NBEA: variants seen among roughly 807,000 people sequenced by gnomAD.
The protein encoded by NBEA is lysosomal-trafficking regulator 2.
Under a neutral mutation model 343.4 loss-of-function variants are expected in NBEA, and 44 were observed. The ratio of observed to expected loss-of-function variants is 0.13; its 90% CI spans 0.10 to 0.16. NBEA has a LOEUF of 0.16. NBEA is among the 10% of genes least tolerant of loss of function. NBEA has a pLI of 1.00. For missense variants in NBEA, 2,555 were observed against 3,631.3 expected, an observed-to-expected ratio of 0.70 and a Z score of 7.62; for synonymous variants, 1,175 against 1,238.7, an observed-to-expected ratio of 0.95 and a Z score of 1.08.
chr13:35,247,754 T>C (rs1865817657), intron 34 of NBEA, among the ~76,000 whole-genome samples: 1 of 152,072 alleles, frequency 6.6e-6, no homozygotes, highest in South Asian at 2.1e-4. Context: ...CACATTCTGC[T>C]CTGTCTATCC....
At chr13:35,428,584 T>C (rs576844954) in intron 38 of NBEA, among the ~76,000 whole-genome samples, 2 of 152,342 alleles carry the variant, frequency 1.3e-5, no homozygotes, top group East Asian at 3.9e-4. Flanking sequence ...CATCTTCTGT[T>C]TCTTTTCTGA....
At chr13:35,302,808 C>G (rs1268636865) in intron 35 of NBEA, among the ~76,000 whole-genome samples, 1 of 152,038 alleles carries the variant, frequency 6.6e-6, no homozygotes, top group African/African-American at 2.4e-5. Flanking sequence ...TTTCTTCTGG[C>G]CCTAGTGTCA....
chr13:35,146,508 C>T (rs539523372), intron 18 of NBEA, among the ~76,000 whole-genome samples: 3 of 152,288 alleles, frequency 2.0e-5, no homozygotes, highest in African/African-American at 7.2e-5. Context: ...ACCATTATGG[C>T]CTCAAGTTTC....
At chr13:35,088,479 G>A (rs1046495135) in intron 10 of NBEA, among the ~76,000 whole-genome samples, 1 of 151,798 alleles carries the variant, frequency 6.6e-6, no homozygotes, top group Non-Finnish European at 1.5e-5. Context: ...TGGTCTGGGG[G>A]TATCCCAGAT....
chr13:35,544,489 C>T (rs2078977974), intron 41 of NBEA, among the ~76,000 whole-genome samples: 1 of 152,142 alleles, frequency 6.6e-6, no homozygotes, highest in Non-Finnish European at 1.5e-5. Context: ...GTCCGATACG[C>T]ATGAGTGCAC....
chr13:35,608,735 C>T (rs1482892991), intron 48 of NBEA, among the ~76,000 whole-genome samples: 1 of 152,178 alleles, frequency 6.6e-6, no homozygotes, highest in African/African-American at 2.4e-5. Flanking sequence ...TGGACCAATG[C>T]TTTTGTTGAT....
intron 37 of NBEA, among the ~76,000 whole-genome samples, chr13:35,350,059 T>C (rs1237857036): frequency 1.3e-5 from 2 of 152,092 alleles, no homozygotes; most frequent in Non-Finnish European, 2.9e-5. Context: ...GATAAAAGTA[T>C]AGTGATCTTT....
intron 41 of NBEA, among the ~76,000 whole-genome samples, chr13:35,512,014 G>C (rs2077295804): frequency 6.6e-6 from 1 of 152,122 alleles, no homozygotes; most frequent in South Asian, 2.1e-4. Flanking sequence ...AGTATGTTTT[G>C]ACTAAGCTAT....
intron 34 of NBEA, among the ~76,000 whole-genome samples, chr13:35,254,257 T>TA (rs1392365102): frequency 1.3e-5 from 2 of 151,670 alleles, no homozygotes; most frequent in African/African-American, 4.8e-5. Flanking sequence ...ATAAAATGCT[T>TA]AAAAAATTAA....
In NBEA at chr13:35,616,381, T is replaced by C. The variant is rs1009777383; in HGVS notation, c.7449+9803T>C. Among the ~76,000 whole-genome samples the C allele has an allele frequency of 7.2e-5, 11 of 152,348 alleles. No individual in the cohort carries two copies. The East Asian group carries it at 2.1e-3, about 29-fold the overall frequency. On this transcript the variant is annotated intron_variant, in intron 48 of 58. Transcript: ENST00000379939. ...AAACTTTGGAATATCCTGTTTGTTA[T>C]TTGCAAACTGTCTGTATCTGTGCTT...
chr13:34,990,461 C>T (rs909899765), intron 1 of NBEA, among the ~76,000 whole-genome samples: 1 of 151,104 alleles, frequency 6.6e-6, no homozygotes, highest in African/African-American at 2.4e-5. Flanking sequence ...GAGCAGTGAC[C>T]TGAGATGTAT....
At chr13:35,618,672 T>G (rs1200821695) in intron 48 of NBEA, among the ~76,000 whole-genome samples, 1 of 152,210 alleles carries the variant, frequency 6.6e-6, no homozygotes, top group Non-Finnish European at 1.5e-5. Context: ...AAGCTAGGCT[T>G]ATTAGACTGA....
At chr13:35,419,996 C>T (rs2044171509) in intron 38 of NBEA, among the ~76,000 whole-genome samples, 1 of 152,088 alleles carries the variant, frequency 6.6e-6, no homozygotes, top group African/African-American at 2.4e-5. Context: ...TTGCTTAACT[C>T]AGTCCTTAGT....
rs538529249 is a variant in NBEA, at chr13:35,449,107, G to A, written c.6305-2985G>A. Among the ~76,000 whole-genome samples the A allele has an allele frequency of 5.9e-5, 9 of 152,336 alleles. No homozygotes were observed. The South Asian group carries it at 1.2e-3, about 21-fold the overall frequency. On this transcript the variant is annotated intron_variant, in intron 39 of 58. Transcript: ENST00000379939. ...GTGGTCCAATATTGCTGAGGAAGGT[G>A]TGGTGAAAACACAGAACTGGTAATG...
intron 38 of NBEA, among the ~76,000 whole-genome samples, chr13:35,377,851 A>G (rs1395447162): frequency 6.6e-6 from 1 of 152,206 alleles, no homozygotes; most frequent in Non-Finnish European, 1.5e-5. Context: ...CAAATAGACC[A>G]TAAACATATA....
At chr13:35,457,495 T>C (rs895251098) in intron 40 of NBEA, among the ~76,000 whole-genome samples, 25 of 152,360 alleles carry the variant, frequency 1.6e-4, no homozygotes, top group African/African-American at 5.5e-4. Flanking sequence ...TCTGTCTCTA[T>C]AGATTTGCTT....
intron 41 of NBEA, among the ~76,000 whole-genome samples, chr13:35,534,649 G>A (rs1244388509): frequency 6.6e-6 from 1 of 152,098 alleles, no homozygotes; most frequent in Non-Finnish European, 1.5e-5. Flanking sequence ...TTTACATACC[G>A]TAGCTCATTT....
At chr13:35,016,921 G>GCTC (rs1396395517) in intron 1 of NBEA, among the ~76,000 whole-genome samples, 2 of 152,118 alleles carry the variant, frequency 1.3e-5, no homozygotes, top group Non-Finnish European at 2.9e-5. Flanking sequence ...TGAGTGATTG[G>GCTC]ATCCTTTAAT....
intron 34 of NBEA, among the ~76,000 whole-genome samples, chr13:35,288,417 CAT>C (rs899203169): frequency 2.0e-5 from 3 of 151,980 alleles, no homozygotes; most frequent in Non-Finnish European, 2.9e-5. Flanking sequence ...AGACAAAACA[CAT>C]GAGTAAAGGT....
Sources: allele counts gnomAD v4.1 joint callset (sites outside exome capture counted in the v4.1 genomes callset), GRCh38; gene constraint gnomAD v4.1.1; transcripts MANE v1.5; gene names NCBI Gene and HGNC (gene_info 2026-07-23, HGNC 2026-07-21).